The following MTNAP1 variants were observed in gnomAD, a reference collection of about 807,000 sequenced individuals.
MTNAP1 encodes the protein mitochondrial nucleoid-associated protein 1.
chr17:73,238,345 A>C, the MTNAP1 span, among the ~76,000 whole-genome samples: 5 of 152,178 alleles, frequency 3.3e-5, no homozygotes, highest in African/African-American at 1.2e-4. Context: ...TTATTTTGAC[A>C]GGAGACCTGT....
the MTNAP1 span, among the ~76,000 whole-genome samples, chr17:73,234,714 C>G: frequency 2.1e-5 from 3 of 143,780 alleles, no homozygotes; most frequent in Non-Finnish European, 4.5e-5. Flanking sequence ...AAGTGAAAAA[C>G]AGGACTGTGT....
chr17:73,247,505 T>G, the MTNAP1 span: 6 of 619,014 alleles, frequency 9.7e-6, no homozygotes, highest in African/African-American at 9.2e-5. Context: ...CTGCTATAAA[T>G]AAAGTAGTAT....
the MTNAP1 span, chr17:73,232,819 A>C: frequency 6.5e-6 from 1 of 153,042 alleles, no homozygotes; most frequent in African/African-American, 2.4e-5. Flanking sequence ...AGGGTAGGGA[A>C]TCGGGTGCCG....
the MTNAP1 span, chr17:73,232,650 G>T: frequency 4.1e-6 from 1 of 246,406 alleles, no homozygotes; most frequent in Non-Finnish European, 7.7e-6. Flanking sequence ...CGGGGGTTGG[G>T]CAGGGGCCTG....
chr17:73,234,854 A>G, the MTNAP1 span, among the ~76,000 whole-genome samples: 2 of 148,262 alleles, frequency 1.3e-5, no homozygotes, highest in African/African-American at 2.5e-5. Flanking sequence ...TGGTAATTCT[A>G]ATATTTTCTT....
chr17:73,243,432 G>C, the MTNAP1 span, among the ~76,000 whole-genome samples: 1 of 152,090 alleles, frequency 6.6e-6, no homozygotes, highest in African/African-American at 2.4e-5. Context: ...AAGATTACAG[G>C]CATAAGCCAC....
the MTNAP1 span, chr17:73,233,059 T>TGAGA: frequency 6.6e-6 from 1 of 152,148 alleles, no homozygotes; most frequent in Non-Finnish European, 1.5e-5. Context: ...GAGGTGAGGG[T>TGAGA]GAGGATTAGT....
At chr17:73,236,863 G>A in the MTNAP1 span, 1 of 1,614,094 alleles carries the variant, frequency 6.2e-7, no homozygotes, top group Non-Finnish European at 8.5e-7. Context: ...CAGCTGCATG[G>A]GGCTGGAGTG....
the MTNAP1 span, chr17:73,248,496 A>G: frequency 6.4e-7 from 1 of 1,551,736 alleles, no homozygotes; most frequent in South Asian, 1.2e-5. Context: ...AGCAACGCTT[A>G]GATCTTGCTT....
the MTNAP1 span, among the ~76,000 whole-genome samples, chr17:73,234,793 A>ATGTGTGTGTGTG: frequency 1.4e-5 from 2 of 144,340 alleles, no homozygotes; most frequent in African/African-American, 5.6e-5. Flanking sequence ...GTGTGTGTGT[A>ATGTGTGTGTGTG]TATGCATATT....
the MTNAP1 span, among the ~76,000 whole-genome samples, chr17:73,241,431 T>TA: frequency 6.6e-6 from 1 of 152,146 alleles, no homozygotes; most frequent in African/African-American, 2.4e-5. Flanking sequence ...GTGCTGGGAT[T>TA]ACAGGCGTGA....
chr17:73,245,230 G>T, the MTNAP1 span: 1 of 1,612,448 alleles, frequency 6.2e-7, no homozygotes, highest in South Asian at 1.1e-5. Flanking sequence ...GAACAGCAAA[G>T]GGCGTACAGT....
chr17:73,243,085 T>TTTTG, the MTNAP1 span: 6 of 877,140 alleles, frequency 6.8e-6, no homozygotes, highest in Admixed American at 2.8e-5. Context: ...GAATTTTTTT[T>TTTTG]TTTTTTTTTT....
chr17:73,245,797 T>A, the MTNAP1 span: 1 of 811,358 alleles, frequency 1.2e-6, no homozygotes, highest in Non-Finnish European at 1.5e-6. Flanking sequence ...ACTATAATGT[T>A]AAATCACATT....
At chr17:73,243,136 G>A in the MTNAP1 span, 2 of 734,244 alleles carry the variant, frequency 2.7e-6, no homozygotes, top group African/African-American at 1.8e-5. Flanking sequence ...CCTGGTGAAT[G>A]AGCTATTGCC....
At chr17:73,248,541 A>G in the MTNAP1 span, 2 of 1,551,660 alleles carry the variant, frequency 1.3e-6, no homozygotes, top group Admixed American at 2.0e-5. Flanking sequence ...ATCTTCCTGC[A>G]AGGTGCATAC....
chr17:73,236,962 C>T, the MTNAP1 span: 9 of 1,596,928 alleles, frequency 5.6e-6, no homozygotes, highest in Non-Finnish European at 7.7e-6. Context: ...GAAGCCACAA[C>T]TTATCAGTCC....
At chr17:73,243,128 T>G in the MTNAP1 span, 1 of 745,370 alleles carries the variant, frequency 1.3e-6, no homozygotes, top group Non-Finnish European at 2.3e-6. Context: ...TGGCATGCCC[T>G]GGTGAATGAG....
the MTNAP1 span, among the ~76,000 whole-genome samples, chr17:73,234,674 T>A: frequency 7.8e-6 from 1 of 127,956 alleles, no homozygotes; most frequent in African/African-American, 3.0e-5. Context: ...AGAGTGAGAC[T>A]CTGTCTCAAA....
Sources: gnomAD v4.1 joint callset for allele counts (sites outside exome capture counted in the v4.1 genomes callset) on GRCh38, gnomAD v4.1.1 for gene constraint, MANE v1.5 for transcripts, NCBI Gene and HGNC (gene_info 2026-07-23, HGNC 2026-07-21) for gene names.